Variants in SPOCK1 observed in about 807,000 individuals in gnomAD.
SPOCK1 encodes testican-1.
In SPOCK1, 23 loss-of-function variants were observed where a neutral mutation model predicts 55.3. That is an observed-to-expected ratio of 0.42 (90% CI 0.30 to 0.59). The LOEUF (loss-of-function observed/expected upper bound fraction) is 0.59, where lower values mean the gene tolerates loss of function less well. SPOCK1 is among the 20% of genes least tolerant of loss of function. The pLI, the probability that SPOCK1 is intolerant of heterozygous loss-of-function variation, is 0.22. For missense variants in SPOCK1, 499 were observed against 552.5 expected (o/e 0.90, Z 0.97); for synonymous variants, 226 against 221.0 (o/e 1.02, Z -0.20).
intron 2 of SPOCK1, among the ~76,000 whole-genome samples, chr5:137,486,962 C>T (rs1664969826): frequency 6.6e-6 from 1 of 152,140 alleles, no homozygotes. Flanking sequence ...CTGACACAAG[C>T]CAACCACGTC....
intron 2 of SPOCK1, among the ~76,000 whole-genome samples, chr5:137,357,323 G>T (rs1277600704): frequency 2.0e-5 from 3 of 152,190 alleles, no homozygotes; most frequent in Admixed American, 6.5e-5. Flanking sequence ...GTTCTCTGTT[G>T]TTAGGGAGTT....
intron 5 of SPOCK1, among the ~76,000 whole-genome samples, chr5:137,102,987 T>G (rs1753301057): frequency 6.6e-6 from 1 of 152,128 alleles, no homozygotes; most frequent in Non-Finnish European, 1.5e-5. Flanking sequence ...TTTGGGTTTT[T>G]TTTGTTTTGT....
Position 137,024,319 on chromosome 5 carries a change from G to GGC in SPOCK1, c.590-31720_590-31719insGC, listed in dbSNP as rs1554093485. Among the ~76,000 whole-genome samples the GGC allele has an allele frequency of 6.6e-4, 98 of 148,274 alleles. 5 individuals carry two copies. Among genetic ancestry groups the GGC allele is most frequent in the Non-Finnish European group, 3.4e-4 (23 of 67,286 alleles). On this transcript the variant is annotated intron_variant, in intron 6 of 10. Coordinates refer to ENST00000394945, the MANE Select transcript of SPOCK1 (RefSeq NM_004598.4). Reference sequence around the variant, plus strand: ...ACTAAATTGCACCAGTTTGAAGGGGGGGGGGTAGTTACAACTGACTGCTCA... The same window carrying GGC: ...ACTAAATTGCACCAGTTTGAAGGGGGGCGGGGGTAGTTACAACTGACTGCTCA...
intron 2 of SPOCK1, chr5:137,273,449 T>C: frequency 1.1e-6 from 1 of 902,566 alleles, no homozygotes; most frequent in Non-Finnish European, 1.3e-6. Context: ...TAGGAAGAAA[T>C]GTATACATTT....
chr5:137,265,990 T>A (rs970350004), intron 3 of SPOCK1, among the ~76,000 whole-genome samples: 1 of 152,188 alleles, frequency 6.6e-6, no homozygotes, highest in Non-Finnish European at 1.5e-5. Context: ...ATGAAAAAAT[T>A]GTTACACTAC....
At chr5:137,151,903 A>G (rs1033871533) in intron 3 of SPOCK1, among the ~76,000 whole-genome samples, 1 of 152,218 alleles carries the variant, frequency 6.6e-6, no homozygotes, top group African/African-American at 2.4e-5. Flanking sequence ...TTTTTCAGAA[A>G]CATTTGGCTG....
intron 6 of SPOCK1, among the ~76,000 whole-genome samples, chr5:137,014,889 G>A (rs766555311): frequency 2.6e-5 from 4 of 152,120 alleles, no homozygotes; most frequent in South Asian, 2.1e-4. Context: ...TTCTGTACAC[G>A]GTGGGGGTCT....
chr5:137,437,176 T>TCCTCATCCTCCATCTCATC (rs1752883149), intron 2 of SPOCK1, among the ~76,000 whole-genome samples: 1 of 152,190 alleles, frequency 6.6e-6, no homozygotes, highest in Non-Finnish European at 1.5e-5. Context: ...TTCCCGCCAC[T>TCCTCATCCTCCATCTCATC]CCTCATCCTC....
At chr5:137,242,670 C>A (rs548674690) in intron 3 of SPOCK1, among the ~76,000 whole-genome samples, 1 of 152,024 alleles carries the variant, frequency 6.6e-6, no homozygotes, top group East Asian at 1.9e-4. Flanking sequence ...CCCAGGAGGT[C>A]GAGGCTGTAG....
intron 2 of SPOCK1, among the ~76,000 whole-genome samples, chr5:137,369,038 C>T (rs1338862482): frequency 1.3e-5 from 2 of 152,204 alleles, no homozygotes; most frequent in African/African-American, 4.8e-5. Flanking sequence ...CGGCCTGGTG[C>T]TCAGATGGAA....
At chr5:137,059,710 T>C (rs1752360917) in intron 6 of SPOCK1, among the ~76,000 whole-genome samples, 1 of 152,192 alleles carries the variant, frequency 6.6e-6, no homozygotes, top group African/African-American at 2.4e-5. Flanking sequence ...ATTATGCATC[T>C]GACAAAGGTC....
intron 3 of SPOCK1, among the ~76,000 whole-genome samples, chr5:137,205,157 T>C (rs1755496152): frequency 6.6e-6 from 1 of 152,216 alleles, no homozygotes; most frequent in South Asian, 2.1e-4. Context: ...GCAAGTTCAT[T>C]CACTGCCATG....
At chr5:137,244,043 G>C (rs10060132) in intron 3 of SPOCK1, among the ~76,000 whole-genome samples, 18,437 of 152,208 alleles carry the variant, frequency 0.12, 1,360 homozygotes, top group East Asian at 0.25. Context: ...CCAGAGAAGA[G>C]TGTTGCAGCT....
chr5:137,043,021 G>A (rs1198415782), intron 6 of SPOCK1, among the ~76,000 whole-genome samples: 1 of 152,116 alleles, frequency 6.6e-6, no homozygotes, highest in East Asian at 1.9e-4. Context: ...AGGTCTGTTT[G>A]TGGAAGTTGC....
At chr5:136,995,541 G>A (rs974573392) in intron 6 of SPOCK1, among the ~76,000 whole-genome samples, 1 of 152,204 alleles carries the variant, frequency 6.6e-6, no homozygotes, top group Non-Finnish European at 1.5e-5. Flanking sequence ...GCATTCCGTA[G>A]TCAATTTCAC....
intron 2 of SPOCK1, among the ~76,000 whole-genome samples, chr5:137,362,500 C>CT (rs1242703618): frequency 4.7e-5 from 7 of 150,250 alleles, no homozygotes; most frequent in East Asian, 1.9e-4. Context: ...CGGCTAATTT[C>CT]TTTTTTTTTA....
chr5:137,373,539 AG>A (rs1220373072), intron 2 of SPOCK1, among the ~76,000 whole-genome samples: 2 of 152,202 alleles, frequency 1.3e-5, no homozygotes, highest in Non-Finnish European at 2.9e-5. Flanking sequence ...CCAAGATGGA[AG>A]TCCATCGCCA....
At chr5:137,482,778 G>A (rs1753977446) in intron 2 of SPOCK1, among the ~76,000 whole-genome samples, 1 of 152,238 alleles carries the variant, frequency 6.6e-6, no homozygotes, top group Non-Finnish European at 1.5e-5. Context: ...AATCAAGGGA[G>A]AATACCCAGC....
At chr5:137,128,789 C>A (rs2127042928) in intron 4 of SPOCK1, among the ~76,000 whole-genome samples, 1 of 152,314 alleles carries the variant, frequency 6.6e-6, no homozygotes, top group East Asian at 1.9e-4. Context: ...GTTCAACCCT[C>A]CCCCAACCCC....
Sources: allele counts gnomAD v4.1 joint callset (sites outside exome capture counted in the v4.1 genomes callset), GRCh38; gene constraint gnomAD v4.1.1; transcripts MANE v1.5; gene names NCBI Gene and HGNC (gene_info 2026-07-23, HGNC 2026-07-21).